The following CEP295 variants were observed in gnomAD, a reference collection of about 807,000 sequenced individuals.
The protein encoded by CEP295 is centrosomal protein of 295 kDa.
CEP295 carries 190 observed loss-of-function variants against 291.6 expected under a neutral mutation model. That is an observed-to-expected ratio of 0.65 (90% CI 0.58 to 0.73). The LOEUF is 0.73. Among genes scored for constraint, CEP295 ranks in the 30% least tolerant of loss-of-function variants. The pLI is 0.00. For synonymous variants in CEP295, 993 were observed against 1,038.8 expected (o/e 0.96, Z 0.85); for missense variants, 2,863 against 2,949.4 (o/e 0.97, Z 0.68).
chr11:93,729,577 T>C lies in CEP295; in HGVS notation c.7400-37T>C, dbSNP rs574207665. ...CACTTCTAATGGAAAGTAGATACTT[T>C]GCCTATTTCTGTCATAAATTTCTTT... On this transcript the variant is annotated intron_variant, in intron 26 of 29. Transcript: ENST00000325212. The C allele has an allele frequency of 1.6e-5, 25 of 1,549,732 alleles. No individual in the cohort carries two copies. The African/African-American group carries it at 2.2e-4, about 14-fold the overall frequency.
chr11:93,703,814 G>A lies in CEP295; in HGVS notation c.5596+895G>A, dbSNP rs532819540. Reference sequence around the variant, plus strand: ...GACAGAGTCTCGCTCTGTCGCCCAGGCTGGAGTGCAGTGGCGCAATCTCGG... The same window carrying A: ...GACAGAGTCTCGCTCTGTCGCCCAGACTGGAGTGCAGTGGCGCAATCTCGG... On this transcript the variant is annotated intron_variant, in intron 17 of 29. Coordinates refer to ENST00000325212, the MANE Select transcript of CEP295 (RefSeq NM_033395.2). 5.3e-3 allele frequency among the ~76,000 whole-genome samples: 785 copies of A among 148,650 alleles called. 12 individuals carry two copies. Among genetic ancestry groups the A allele is most frequent in the African/African-American group, 0.018 (738 of 40,254 alleles).
Position 93,691,914 on chromosome 11 carries a change from G to A in CEP295, c.1430-13G>A. 2.0e-6 allele frequency: 3 copies of A among 1,496,184 alleles called. No individual in the cohort carries two copies. Among genetic ancestry groups the A allele is most frequent in the South Asian group, 1.3e-5 (1 of 79,766 alleles). The allele number at this position is 1,496,184 out of a possible 1,614,324, so 92.7% of individuals were successfully genotyped here. A position where few individuals can be genotyped will look rare whatever the true frequency, so the allele number is the denominator to read the frequency against. On this transcript the variant is annotated splice_polypyrimidine_tract_variant and intron_variant, in intron 11 of 29. Coordinates refer to ENST00000325212, the MANE Select transcript of CEP295 (RefSeq NM_033395.2). The stretch of plus-strand genomic sequence containing the variant: ...ATTATTGAAACTAATTTTTGTTTGG[G>A]GCATTCCCCTAGAAATAAATGAGAC...
chr11:93,715,362 G>A (rs1432941784), intron 18 of CEP295, among the ~76,000 whole-genome samples: 3 of 152,058 alleles, frequency 2.0e-5, no homozygotes, highest in African/African-American at 7.2e-5. Context: ...TGCCAGGCAT[G>A]GGACTTCCTT....
intron 22 of CEP295, among the ~76,000 whole-genome samples, chr11:93,725,243 T>A (rs1467617462): frequency 6.7e-6 from 1 of 148,524 alleles, no homozygotes; most frequent in East Asian, 2.0e-4. Flanking sequence ...TGAGACCCCA[T>A]CTCAAAAAAA....
chr11:93,711,999 T>C (rs1259567094), intron 18 of CEP295, among the ~76,000 whole-genome samples: 1 of 152,132 alleles, frequency 6.6e-6, no homozygotes, highest in East Asian at 1.9e-4. Context: ...GCCCAATGTT[T>C]CTTTGTTGAT....
rs1950855910 is a variant in CEP295 at position 93,679,434 on chromosome 11, A to G, written c.647A>G (p.Glu216Gly). ...TAGCCAGATGCTCGTTTGGCTGCTG[A>G]AGAGGAAGCTAAACGATTGGAAGAA... Reference protein sequence around the residue: ...TKRPDARLAAEEEAKRLEELQ... With the variant: ...TKRPDARLAAGEEAKRLEELQ... Residue 216 changes from glutamate (E) to glycine (G), a missense_variant, in exon 7 of 30, where the codon GAA becomes GGA. Coordinates refer to ENST00000325212, the MANE Select transcript of CEP295 (RefSeq NM_033395.2). 11 of 1,550,868 alleles carry G rather than the reference A, an allele frequency of 7.1e-6. No individual in the cohort carries two copies. The highest frequency in any genetic ancestry group is 9.6e-6 in the Non-Finnish European group (11 of 1,146,528).
intron 18 of CEP295, among the ~76,000 whole-genome samples, chr11:93,707,842 A>G (rs574281698): frequency 4.9e-4 from 75 of 152,316 alleles, no homozygotes; most frequent in Middle Eastern, 3.4e-3. Context: ...ACTTGTATCT[A>G]TACAAGATAC....
rs76685388 is a variant in CEP295 at position 93,665,740 on chromosome 11, C to T, written c.-26-942C>T. Among the ~76,000 whole-genome samples, 1,499 of 152,208 alleles carry T rather than the reference C, an allele frequency of 9.8e-3. 26 individuals are homozygous for T. The highest frequency in any genetic ancestry group is 0.033 in the African/African-American group (1,357 of 41,540). ...AGAAGAATAGATCTGGAAAACTAAA[C>T]GCTTGATACAGCCGAGCAAGTCATT... On this transcript the variant is annotated intron_variant, in intron 1 of 29. Coordinates refer to ENST00000325212, the MANE Select transcript of CEP295 (RefSeq NM_033395.2).
In CEP295 at chr11:93,693,794, A is replaced by G. The variant is rs146823401; in HGVS notation, c.1534-1703A>G. On this transcript the variant is annotated intron_variant, in intron 12 of 29. Transcript: ENST00000325212. Reference sequence around the variant, plus strand: ...AGAAAAAAAGAAAAATTTCTCATCAATAGTCTAGAACAGTATTGTTCAGTA... The same window carrying G: ...AGAAAAAAAGAAAAATTTCTCATCAGTAGTCTAGAACAGTATTGTTCAGTA... Among the ~76,000 whole-genome samples, 12 of 152,358 alleles carry G rather than the reference A, an allele frequency of 7.9e-5. No individual in the cohort carries two copies. The East Asian group carries it at 1.9e-3, about 24-fold the overall frequency.
intron 9 of CEP295, among the ~76,000 whole-genome samples, chr11:93,686,769 G>A (rs1951263731): frequency 6.6e-6 from 1 of 152,148 alleles, no homozygotes; most frequent in Admixed American, 6.6e-5. Flanking sequence ...TCCTGGTAAT[G>A]TTCCACATGA....
intron 12 of CEP295, among the ~76,000 whole-genome samples, chr11:93,693,801 A>G (rs1951715650): frequency 6.6e-6 from 1 of 152,268 alleles, no homozygotes; most frequent in Non-Finnish European, 1.5e-5. Flanking sequence ...TCAATAGTCT[A>G]GAACAGTATT....
At chr11:93,673,076 C>T (rs941025664) in intron 5 of CEP295, among the ~76,000 whole-genome samples, 3 of 152,118 alleles carry the variant, frequency 2.0e-5, no homozygotes, top group African/African-American at 4.8e-5. Context: ...TAAGATTCTT[C>T]GTAGAGTGAA....
At chr11:93,673,598 A>T (rs1950550101) in intron 5 of CEP295, among the ~76,000 whole-genome samples, 1 of 151,694 alleles carries the variant, frequency 6.6e-6, no homozygotes, top group Non-Finnish European at 1.5e-5. Flanking sequence ...GGTTCAAGCG[A>T]TTCTCCTGCC....
chr11:93,719,105 C>CA (rs11455077), intron 18 of CEP295, among the ~76,000 whole-genome samples: 136,512 of 151,572 alleles, frequency 0.9, 62,669 homozygotes, highest in Non-Finnish European at 0.99. Flanking sequence ...GACTCCGTCT[C>CA]AAAAAAAATA....
chr11:93,667,736 C>A lies in CEP295; in HGVS notation c.238C>A (p.Gln80Lys), dbSNP rs7128850. 5,745 of 1,551,274 alleles carry A rather than the reference C, an allele frequency of 3.7e-3. 192 individuals are homozygous for A. The African/African-American group carries it at 0.07, about 19-fold the overall frequency. ...GGAAGAATCACAAACTCAGAAAATACAGAACTTGGAAAAACTGTATTTGGC... is the reference window on the plus strand; with the variant it reads ...GGAAGAATCACAAACTCAGAAAATAAAGAACTTGGAAAAACTGTATTTGGC... ...EWEESQTQKI[Q>K]NLEKLYLASL... The change falls in exon 3 of 30, where the codon CAG (glutamine) becomes AAG (lysine). Residue 80 changes from glutamine (Q) to lysine (K), a missense_variant. This residue lies in a region of CEP295 where 554 missense variants were observed against 576.0 expected (regional missense o/e 0.96). Coordinates refer to ENST00000325212, the MANE Select transcript of CEP295 (RefSeq NM_033395.2).
chr11:93,727,722 C>T, intron 24 of CEP295, 85 bp downstream of exon 24: 1 of 1,065,714 alleles, frequency 9.4e-7, no homozygotes, highest in Non-Finnish European at 1.3e-6. Flanking sequence ...AGATGAAGTT[C>T]CCACTATGCT....
chr11:93,668,531 ATATT>A (rs1366654264), intron 3 of CEP295, among the ~76,000 whole-genome samples: 1 of 152,126 alleles, frequency 6.6e-6, no homozygotes, highest in Non-Finnish European at 1.5e-5. Context: ...ATATCACTAT[ATATT>A]TTACGTACTT....
rs190555550 is a variant in CEP295 at position 93,696,770 on chromosome 11, C to T, written c.1858C>T (p.Pro620Ser). Residue 620 changes from proline (P) to serine (S), a missense_variant, in exon 15 of 30, where the codon CCA becomes TCA. Pro to Ser is a moderately conservative substitution (Grantham distance 74). Transcript: ENST00000325212. ...AGGAAGGTGCCCATCGGTGTCAGCT[C>T]CATCATTGATAACTGATTCTGTTAT... is the stretch of plus-strand genomic sequence containing the variant. ...LKGRCPSVSA[P>S]SLITDSVISV... 7.1e-6 allele frequency: 11 copies of T among 1,551,578 alleles called. No individual in the cohort carries two copies. In the East Asian group the frequency reaches 2.7e-4, roughly 38 times the overall value.
intron 1 of CEP295, among the ~76,000 whole-genome samples, chr11:93,665,405 A>G (rs1052290476): frequency 1.3e-5 from 2 of 152,216 alleles, no homozygotes; most frequent in Non-Finnish European, 2.9e-5. Context: ...TGTGAACGGT[A>G]GCAACAGAAG....
Sources: gnomAD v4.1 joint callset for allele counts (sites outside exome capture counted in the v4.1 genomes callset) on GRCh38, gnomAD v4.1.1 for gene constraint, gnomAD v4.1.1 regional missense constraint, MANE v1.5 for transcripts, NCBI Gene and HGNC (gene_info 2026-07-23, HGNC 2026-07-21) for gene names.